TMEM178B: variants seen among roughly 807,000 people sequenced by gnomAD.
TMEM178B encodes the protein transmembrane protein 178B.
In TMEM178B, 5 loss-of-function variants were observed where a neutral mutation model predicts 31.0. The observed-to-expected ratio is 0.16, with a 90% confidence interval of 0.08 to 0.34. TMEM178B has a LOEUF of 0.34. Among genes scored for constraint, TMEM178B ranks in the 10% least tolerant of loss-of-function variants. The pLI is 1.00. For synonymous variants in TMEM178B, 164 were observed against 164.0 expected, an observed-to-expected ratio of 1.00 and a Z score of 0.00; for missense variants, 275 against 400.3, an observed-to-expected ratio of 0.69 and a Z score of 2.67.
intron 2 of TMEM178B, among the ~76,000 whole-genome samples, chr7:141,262,081 T>G (rs1446019878): frequency 6.6e-6 from 1 of 152,136 alleles, no homozygotes; most frequent in Non-Finnish European, 1.5e-5. Context: ...ACAGGAGTCA[T>G]CCAAGGAGAG....
At chr7:141,269,056 T>A (rs963580837) in intron 2 of TMEM178B, among the ~76,000 whole-genome samples, 17 of 152,052 alleles carry the variant, frequency 1.1e-4, no homozygotes, top group African/African-American at 4.1e-4. Flanking sequence ...CAGTCCTAAT[T>A]TGGCTCCTTA....
At chr7:141,363,333 T>C (rs1392431219) in intron 2 of TMEM178B, among the ~76,000 whole-genome samples, 2 of 152,228 alleles carry the variant, frequency 1.3e-5, no homozygotes, top group African/African-American at 4.8e-5. Context: ...CTTCCCTGAG[T>C]CTATTGCACA....
intron 3 of TMEM178B, among the ~76,000 whole-genome samples, chr7:141,464,250 G>T (rs1802112159): frequency 6.6e-6 from 1 of 152,124 alleles, no homozygotes; most frequent in Non-Finnish European, 1.5e-5. Flanking sequence ...CTCTACTCCT[G>T]TGGGAAACCC....
chr7:141,379,761 C>G (rs143888664), intron 2 of TMEM178B, among the ~76,000 whole-genome samples: 1 of 152,302 alleles, frequency 6.6e-6, no homozygotes, highest in Non-Finnish European at 1.5e-5. Context: ...CCTTCCATCT[C>G]TCTCATCCAC....
chr7:141,491,152 T>C, the TMEM178B span, among the ~76,000 whole-genome samples: 4 of 152,142 alleles, frequency 2.6e-5, no homozygotes, highest in Non-Finnish European at 5.9e-5. Context: ...CTCAGCCTCC[T>C]GAGTAGCTGG....
chr7:141,150,055 G>A (rs372106393), intron 1 of TMEM178B, among the ~76,000 whole-genome samples: 17 of 152,272 alleles, frequency 1.1e-4, no homozygotes, highest in African/African-American at 3.1e-4. Flanking sequence ...CTGAGCACTC[G>A]AGTGGCTGAG....
chr7:141,375,087 A>G (rs1021918044), intron 2 of TMEM178B, among the ~76,000 whole-genome samples: 18 of 152,220 alleles, frequency 1.2e-4, no homozygotes, highest in African/African-American at 4.3e-4. Flanking sequence ...AAGATTTTGC[A>G]GATTTGAAGA....
At chr7:141,222,489 T>C (rs1221741247) in intron 2 of TMEM178B, among the ~76,000 whole-genome samples, 2 of 152,210 alleles carry the variant, frequency 1.3e-5, no homozygotes, top group Non-Finnish European at 2.9e-5. Context: ...TGAGGATTAA[T>C]ATAAAGTTTA....
chr7:141,480,730 A>G (rs138731829), downstream of TMEM178B, among the ~76,000 whole-genome samples: 2 of 152,374 alleles, frequency 1.3e-5, no homozygotes, highest in East Asian at 3.9e-4. Context: ...CTAACCCCTC[A>G]ACCTGTTTCC....
intron 2 of TMEM178B, among the ~76,000 whole-genome samples, chr7:141,418,153 C>T (rs1036901450): frequency 6.6e-6 from 1 of 152,174 alleles, no homozygotes; most frequent in East Asian, 1.9e-4. Flanking sequence ...ATACTTAAGT[C>T]TTACATCCTT....
intron 2 of TMEM178B, among the ~76,000 whole-genome samples, chr7:141,259,007 T>A (rs1320121608): frequency 1.3e-5 from 2 of 152,190 alleles, no homozygotes; most frequent in African/African-American, 4.8e-5. Flanking sequence ...CTGGTTTTCA[T>A]CAAATTTGGA....
chr7:141,203,514 G>T (rs577952829), intron 1 of TMEM178B, among the ~76,000 whole-genome samples: 59 of 152,290 alleles, frequency 3.9e-4, no homozygotes, highest in African/African-American at 1.4e-3. Context: ...TTCCTCATCA[G>T]TGGATGTATT....
intron 2 of TMEM178B, among the ~76,000 whole-genome samples, chr7:141,429,313 AC>A (rs1486454654): frequency 0.088 from 1,005 of 11,368 alleles, 15 homozygotes; most frequent in African/African-American, 0.16. Flanking sequence ...TGTAATACAC[AC>A]ACACACACAC....
At chr7:141,396,750 G>A (rs914216710) in intron 2 of TMEM178B, among the ~76,000 whole-genome samples, 1 of 152,198 alleles carries the variant, frequency 6.6e-6, no homozygotes, top group African/African-American at 2.4e-5. Context: ...TCTGTTAGAT[G>A]TCCACATGAG....
intron 2 of TMEM178B, among the ~76,000 whole-genome samples, chr7:141,310,042 A>G (rs1798881178): frequency 6.6e-6 from 1 of 152,196 alleles, no homozygotes; most frequent in African/African-American, 2.4e-5. Flanking sequence ...TTTTGTAACA[A>G]AAAACGTCAA....
chr7:141,298,664 T>C (rs963684292), intron 2 of TMEM178B, among the ~76,000 whole-genome samples: 3 of 152,264 alleles, frequency 2.0e-5, no homozygotes, highest in Non-Finnish European at 2.9e-5. Flanking sequence ...TGGTCAGTAC[T>C]ATCTCAAGGA....
intron 2 of TMEM178B, among the ~76,000 whole-genome samples, chr7:141,393,680 G>C (rs893882244): frequency 6.6e-5 from 10 of 152,184 alleles, no homozygotes; most frequent in East Asian, 1.9e-4. Context: ...TTGCAAAGAT[G>C]TTCTCATAAT....
intron 1 of TMEM178B, among the ~76,000 whole-genome samples, chr7:141,147,224 C>A (rs1795867622): frequency 6.6e-6 from 1 of 151,742 alleles, no homozygotes; most frequent in Admixed American, 6.6e-5. Context: ...TCCGTCCCTC[C>A]TTCCCTTTCT....
chr7:141,138,296 C>G (rs527525740), intron 1 of TMEM178B, among the ~76,000 whole-genome samples: 3 of 152,128 alleles, frequency 2.0e-5, no homozygotes, highest in African/African-American at 7.2e-5. Flanking sequence ...CTCCTGACCT[C>G]GTGATCCACC....
Sources: gnomAD v4.1 joint callset for allele counts (sites outside exome capture counted in the v4.1 genomes callset) on GRCh38, gnomAD v4.1.1 for gene constraint, MANE v1.5 for transcripts, NCBI Gene and HGNC (gene_info 2026-07-23, HGNC 2026-07-21) for gene names.